The following PMP22 variants were observed in gnomAD, a reference collection of about 807,000 sequenced individuals.
PMP22 encodes the protein Charcot-Marie-Tooth neuropathy 1A (greatly reduced nerve conduction velocity, hereditary motor sensory neuropathy Ia).
In PMP22, 2 loss-of-function variants were observed where a neutral mutation model predicts 18.9. The observed-to-expected ratio is 0.11, with a 90% CI of 0.04 to 0.33. The LOEUF is 0.33. PMP22 is among the 10% of genes least tolerant of loss of function. The probability of loss-of-function intolerance (pLI) is 1.00; values close to 1 mark genes in which losing one functional copy is unlikely to be tolerated. For synonymous variants in PMP22, 95 were observed against 89.2 expected, an observed-to-expected ratio of 1.07 and a Z score of -0.37; for missense variants, 169 against 202.2, an observed-to-expected ratio of 0.84 and a Z score of 1.00.
In PMP22 at chr17:15,239,580, G is replaced by T; in HGVS notation, c.210C>A (p.Ile70=). The stretch of plus-strand genomic sequence containing the variant: ...ACAGAATGCTGAAGATGATCGACAG[G>T]ATCATGGTGGCCTGGACAGACTGCA... ...EWLQSVQATM[I]LSIIFSILSL... is the part of the protein sequence containing the mutation. Residue 70 remains isoleucine, a synonymous_variant, in exon 4 of 5, where the codon ATC becomes ATA. Coordinates refer to ENST00000312280, the MANE Select transcript of PMP22 (RefSeq NM_000304.4). 1.9e-6 allele frequency: 3 copies of T among 1,613,972 alleles called. No individual in the cohort carries two copies. Among genetic ancestry groups the T allele is most frequent in the Non-Finnish European group, 2.5e-6 (3 of 1,179,840 alleles).
chr17:15,239,389 G>T (rs779771435), intron 4 of PMP22, 82 bp downstream of exon 4: 1 of 1,486,842 alleles, frequency 6.7e-7, no homozygotes, highest in Non-Finnish European at 9.4e-7. Context: ...TCATTCTGAG[G>T]CCACATCCTT....
chr17:15,236,458 C>G (rs1195558504), intron 4 of PMP22, among the ~76,000 whole-genome samples: 2 of 152,108 alleles, frequency 1.3e-5, no homozygotes, highest in African/African-American at 4.8e-5. Flanking sequence ...GGAGACTACA[C>G]AGAGATTCTA....
At chr17:15,264,824 C>A (rs1180094359) in intron 1 of PMP22, among the ~76,000 whole-genome samples, 1 of 152,180 alleles carries the variant, frequency 6.6e-6, no homozygotes, top group Non-Finnish European at 1.5e-5. Context: ...TTCTCCCTAA[C>A]CTGCTTACCA....
At chr17:15,262,191 A>T (rs968131454) in intron 1 of PMP22, among the ~76,000 whole-genome samples, 2 of 152,122 alleles carry the variant, frequency 1.3e-5, no homozygotes, top group Non-Finnish European at 2.9e-5. Context: ...CGCTATCCAG[A>T]CACCAGCACC....
intron 3 of PMP22, among the ~76,000 whole-genome samples, chr17:15,244,736 C>T (rs953353099): frequency 6.6e-6 from 1 of 152,160 alleles, no homozygotes; most frequent in African/African-American, 2.4e-5. Flanking sequence ...TGCGTATAGA[C>T]ATCCACAGGC....
intron 3 of PMP22, among the ~76,000 whole-genome samples, chr17:15,255,374 T>G (rs889855468): frequency 6.6e-6 from 1 of 152,106 alleles, no homozygotes; most frequent in Non-Finnish European, 1.5e-5. Context: ...GAAAAGGAGA[T>G]TCATTCTTCC....
chr17:15,237,250 A>G (rs1352030279), intron 4 of PMP22, among the ~76,000 whole-genome samples: 1 of 152,234 alleles, frequency 6.6e-6, no homozygotes, highest in Non-Finnish European at 1.5e-5. Context: ...CACACAGTGC[A>G]GTTACATGAG....
intron 3 of PMP22, among the ~76,000 whole-genome samples, chr17:15,239,868 AACAC>A (rs911634932): frequency 2.0e-5 from 3 of 152,346 alleles, no homozygotes; most frequent in South Asian, 2.1e-4. Context: ...TACATATACA[AACAC>A]ACACATGTGC....
chr17:15,234,167 T>G (rs1326762274), intron 4 of PMP22, among the ~76,000 whole-genome samples: 1 of 151,958 alleles, frequency 6.6e-6, no homozygotes, highest in Non-Finnish European at 1.5e-5. Flanking sequence ...CAGGATTCAG[T>G]AGAAGGCTGG....
At chr17:15,251,976 T>C (rs1303113406) in intron 3 of PMP22, among the ~76,000 whole-genome samples, 1 of 152,074 alleles carries the variant, frequency 6.6e-6, no homozygotes, top group African/African-American at 2.4e-5. Flanking sequence ...AATCCTGGCA[T>C]GTTGACAACA....
At chr17:15,245,408 T>C (rs1907714140) in intron 3 of PMP22, among the ~76,000 whole-genome samples, 1 of 152,200 alleles carries the variant, frequency 6.6e-6, no homozygotes, top group Admixed American at 6.5e-5. Flanking sequence ...TTATGTGCTC[T>C]GGTTAGGACA....
intron 3 of PMP22, among the ~76,000 whole-genome samples, chr17:15,249,208 G>A (rs1239032328): frequency 6.6e-6 from 1 of 152,128 alleles, no homozygotes; most frequent in Non-Finnish European, 1.5e-5. Flanking sequence ...GCCCAGCTCA[G>A]AGGCCACCTC....
chr17:15,241,101 AC>A (rs1907276824), intron 3 of PMP22, among the ~76,000 whole-genome samples: 1 of 152,310 alleles, frequency 6.6e-6, no homozygotes, highest in African/African-American at 2.4e-5. Flanking sequence ...CCCAAATGAC[AC>A]AGCCAAATCT....
intron 2 of PMP22, chr17:15,260,381 G>C (rs1909209456): frequency 1.9e-6 from 1 of 532,050 alleles, no homozygotes; most frequent in Non-Finnish European, 3.4e-6. Flanking sequence ...AATGAAGGTC[G>C]GGGACCCTAG....
At chr17:15,232,725 C>T (rs1906464788) in intron 4 of PMP22, 1 of 152,214 alleles carries the variant, frequency 6.6e-6, no homozygotes, top group Non-Finnish European at 1.5e-5. Context: ...GGCTGTCTAA[C>T]CAGATCTGGC....
chr17:15,252,975 G>A (rs1207864958), intron 3 of PMP22, among the ~76,000 whole-genome samples: 1 of 152,318 alleles, frequency 6.6e-6, no homozygotes, highest in Non-Finnish European at 1.5e-5. Flanking sequence ...CAAAAAGCAG[G>A]GGAATGCTTG....
At chr17:15,246,029 A>AG (rs1005496946) in intron 3 of PMP22, among the ~76,000 whole-genome samples, 50 of 152,040 alleles carry the variant, frequency 3.3e-4, no homozygotes, top group African/African-American at 1.2e-3. Flanking sequence ...CAAAAAAAAA[A>AG]AAAAGAAAAA....
At chr17:15,231,918 C>T (rs1016783033) in intron 4 of PMP22, among the ~76,000 whole-genome samples, 12 of 152,240 alleles carry the variant, frequency 7.9e-5, no homozygotes, top group African/African-American at 2.9e-4. Flanking sequence ...GGAGCAGCCA[C>T]GCTCAAACTG....
At chr17:15,238,528 A>T (rs1907002702) in intron 4 of PMP22, among the ~76,000 whole-genome samples, 1 of 152,220 alleles carries the variant, frequency 6.6e-6, no homozygotes, top group African/African-American at 2.4e-5. Context: ...GAAGTTTGTG[A>T]TCTATGAATT....
Sources: gnomAD v4.1 joint callset for allele counts (sites outside exome capture counted in the v4.1 genomes callset) on GRCh38, gnomAD v4.1.1 for gene constraint, MANE v1.5 for transcripts, NCBI Gene and HGNC (gene_info 2026-07-23, HGNC 2026-07-21) for gene names.